The following SRPX2 variants were observed in gnomAD, a reference collection of about 807,000 sequenced individuals.
SRPX2 encodes the protein sushi repeat-containing protein SRPX2.
Under a neutral mutation model 45.3 loss-of-function variants are expected in SRPX2, and 26 were observed. That is an observed-to-expected ratio of 0.57 (90% CI 0.42 to 0.80). The LOEUF (loss-of-function observed/expected upper bound fraction) is 0.80. Ranked by LOEUF, SRPX2 falls within the 30% of genes least tolerant of loss-of-function variation. The pLI is 0.00. For missense variants in SRPX2, 355 were observed against 399.8 expected (o/e 0.89, Z 0.95); for synonymous variants, 125 against 143.7 (o/e 0.87, Z 0.93).
In SRPX2 at chrX:100,675,568, C is replaced by A. The variant is rs759211133; in HGVS notation, c.*4581C>A. 6 of 112,785 alleles carry A rather than the reference C, an allele frequency of 5.3e-5. No individual in the cohort carries two copies. Among genetic ancestry groups the A allele is most frequent in the Non-Finnish European group, 7.4e-5 (4 of 53,905 alleles). 9.3% of individuals were successfully genotyped at this position (112,785 alleles called of 1,213,427 possible). A position where few individuals can be genotyped will look rare whatever the true frequency, so the allele number is the denominator to read the frequency against. On this transcript the variant is annotated 3_prime_UTR_variant, in exon 11 of 11. Transcript: ENST00000373004. ...AAGAGGAAGGAACTACTCACCTCTC[C>A]CCAACATTCCTGTCTTTACTAACCA...
intron 10 of SRPX2, 35 bp downstream of exon 10, chrX:100,669,404 G>GT: frequency 1.3e-6 from 1 of 780,794 alleles, no homozygotes; most frequent in Non-Finnish European, 1.8e-6. Flanking sequence ...TTGGGGGGAG[G>GT]GGGGGCTGGG....
intron 3 of SRPX2, 150 bp downstream of exon 3, chrX:100,651,015 GT>G: frequency 2.1e-6 from 1 of 476,900 alleles, no homozygotes; most frequent in Non-Finnish European, 3.6e-6. Flanking sequence ...CATGAACTTG[GT>G]TACTGACTTA....
chrX:100,662,756 C>A (rs1477856661), intron 4 of SRPX2, among the ~76,000 whole-genome samples: 1 of 112,161 alleles, frequency 8.9e-6, no homozygotes, highest in Non-Finnish European at 1.9e-5. Flanking sequence ...CCTTAGAAGA[C>A]CTTGGCAGTG....
intron 3 of SRPX2, among the ~76,000 whole-genome samples, chrX:100,657,813 ATTTTGTTTTTGTT>A (rs912110713): frequency 1.8e-5 from 2 of 111,156 alleles, no homozygotes; most frequent in Admixed American, 9.5e-5. Context: ...TTTGCCCAAT[ATTTTGTTTTTGTT>A]TTTTGTTTTT....
rs1458822307 is a variant in SRPX2, at chrX:100,644,498, C to G, written c.-148C>G. 1.8e-5 allele frequency: 2 copies of G among 111,120 alleles called. No individual in the cohort carries two copies. The highest frequency in any genetic ancestry group is 3.8e-5 in the Non-Finnish European group (2 of 53,059). 9.2% of individuals were successfully genotyped at this position (111,120 alleles called of 1,213,427 possible). On this transcript the variant is annotated 5_prime_UTR_variant, in exon 1 of 11. Transcript: ENST00000373004. ...AAGAGGAGGAGAGAGAAAAAGGGCA[C>G]AAAATACCATAAAACAGGTAAGATC...
At chrX:100,669,422 G>GGGGGGGGGCCCCCCCCCCCCCGGGGCCC in intron 10 of SRPX2, 53 bp downstream of exon 10, 1 of 319,101 alleles carries the variant, frequency 3.1e-6, no homozygotes, top group Non-Finnish European at 6.2e-6. Context: ...GGGGCGGGGG[G>GGGGGGGGGCCCCCCCCCCCCCGGGGCCC]AGAAACCCTA....
intron 1 of SRPX2, 136 bp from the exon 2 acceptor site, chrX:100,646,057 A>ATCC (rs2083134374): frequency 2.8e-6 from 1 of 359,312 alleles, no homozygotes; most frequent in Non-Finnish European, 4.9e-6. Context: ...GTTGTTTTAC[A>ATCC]TCCTCCTCCT....
At chrX:100,665,706 C>T in intron 7 of SRPX2, 49 bp downstream of exon 7, 1 of 1,205,714 alleles carries the variant, frequency 8.3e-7, no homozygotes, top group Non-Finnish European at 1.1e-6. Flanking sequence ...TCCTGCTCTA[C>T]CCTGACCCAC....
chrX:100,668,901 A>G (rs951250556), intron 9 of SRPX2, among the ~76,000 whole-genome samples: 3 of 112,313 alleles, frequency 2.7e-5, no homozygotes, highest in African/African-American at 9.7e-5. Flanking sequence ...TCAATAAACA[A>G]CAGCCATTAT....
At chrX:100,659,327 G>A (rs1384400719) in intron 3 of SRPX2, among the ~76,000 whole-genome samples, 1 of 111,816 alleles carries the variant, frequency 8.9e-6, no homozygotes, top group Non-Finnish European at 1.9e-5. Context: ...GATTTTTTCT[G>A]GGTCGGAAAA....
intron 5 of SRPX2, 26 bp from the exon 6 acceptor site, chrX:100,665,217 C>G: frequency 3.3e-6 from 4 of 1,208,736 alleles, no homozygotes; most frequent in Non-Finnish European, 4.5e-6. Context: ...GCCCACGAGT[C>G]AGCACTTGAT....
At chrX:100,667,491 A>G (rs1303971452) in intron 9 of SRPX2, 84 bp downstream of exon 9, 1 of 1,112,394 alleles carries the variant, frequency 9.0e-7, no homozygotes, top group Non-Finnish European at 1.2e-6. Context: ...TCTGCAGCAC[A>G]AACCTTACCT....
At chrX:100,665,901 T>C (rs1003426485) in intron 7 of SRPX2, among the ~76,000 whole-genome samples, 1 of 112,188 alleles carries the variant, frequency 8.9e-6, no homozygotes, top group African/African-American at 3.2e-5. Flanking sequence ...TAAATCCAGA[T>C]AAAATCCACA....
intron 8 of SRPX2, 151 bp from the exon 9 acceptor site, chrX:100,667,123 C>CT: frequency 2.9e-6 from 3 of 1,037,299 alleles, no homozygotes; most frequent in Non-Finnish European, 4.0e-6. Context: ...TTTAAAATCT[C>CT]TAAGTGTTCT....
chrX:100,657,202 A>G (rs968444573), intron 3 of SRPX2, among the ~76,000 whole-genome samples: 2 of 108,234 alleles, frequency 1.8e-5, no homozygotes, highest in Non-Finnish European at 3.8e-5. Context: ...TGCTGGGATT[A>G]CAGGTGTGAG....
rs762689076 is a variant in SRPX2, at chrX:100,670,816, G to A, written c.1227G>A (p.Gln409=). 4.1e-6 allele frequency: 5 copies of A among 1,211,490 alleles called. No individual in the cohort carries two copies. In the Admixed American group the frequency reaches 1.1e-4, roughly 26 times the overall value. The part of the protein sequence containing the change: ...ANIIEELRQF[Q]RLTRSYFNMV... The stretch of plus-strand genomic sequence containing the variant: ...GGGCTGTTCTCTCTAGGCAATTTCA[G>A]CGCCTCACTCGCTCCTACTTCAACA... Residue 409 remains glutamine (Q), a synonymous_variant, in exon 11 of 11, where the codon CAG becomes CAA. Coordinates refer to ENST00000373004, the MANE Select transcript of SRPX2 (RefSeq NM_014467.3).
At chrX:100,649,892 G>A (rs1007382061) in intron 2 of SRPX2, among the ~76,000 whole-genome samples, 1 of 112,164 alleles carries the variant, frequency 8.9e-6, no homozygotes, top group African/African-American at 3.2e-5. Context: ...AGGGCTCAGG[G>A]AGGCTGGAAG....
intron 3 of SRPX2, among the ~76,000 whole-genome samples, 188 bp from the exon 4 acceptor site, chrX:100,661,988 C>A (rs1376883973): frequency 1.0e-5 from 1 of 99,991 alleles, no homozygotes; most frequent in Non-Finnish European, 2.0e-5. Flanking sequence ...GCTCCAGCAC[C>A]GTTTGTTTGA....
intron 8 of SRPX2, 23 bp downstream of exon 8, chrX:100,666,956 G>T (rs773665354): frequency 5.0e-6 from 6 of 1,198,367 alleles, no homozygotes; most frequent in Non-Finnish European, 5.6e-6. Flanking sequence ...GGGGAATGGG[G>T]CAAGTGGATG....
Sources: allele counts gnomAD v4.1 joint callset (sites outside exome capture counted in the v4.1 genomes callset), GRCh38; gene constraint gnomAD v4.1.1; transcripts MANE v1.5; gene names NCBI Gene and HGNC (gene_info 2026-07-23, HGNC 2026-07-21).